Variants in ZBTB10 observed in about 807,000 individuals in gnomAD.
The protein encoded by ZBTB10 is zinc finger and BTB domain containing 10.
In ZBTB10, 32 loss-of-function variants were observed where a neutral mutation model predicts 76.4. That is an observed-to-expected ratio of 0.42 (90% confidence interval 0.32 to 0.56). The LOEUF (loss-of-function observed/expected upper bound fraction) is 0.56, where lower values mean the gene tolerates loss of function less well. ZBTB10 is among the 20% of genes least tolerant of loss of function. The pLI, the probability that ZBTB10 is intolerant of heterozygous loss-of-function variation, is 0.14. For missense variants in ZBTB10, 1,057 were observed against 1,098.5 expected, an observed-to-expected ratio of 0.96 and a Z score of 0.53; for synonymous variants, 523 against 432.9, an observed-to-expected ratio of 1.21 and a Z score of -2.58.
rs1224498579 is a variant in ZBTB10, at chr8:80,521,993, C to A, written c.*2465C>A. On this transcript the variant is annotated 3_prime_UTR_variant, in exon 6 of 6. Coordinates refer to ENST00000455036, the MANE Select transcript of ZBTB10 (RefSeq NM_001105539.3). The stretch of plus-strand genomic sequence containing the variant: ...GTGTTTATACTCTTGAATATATTAG[C>A]CTCAGCCTATATAAAAATTTCTTTG... The A allele has an allele frequency of 6.6e-6, 1 of 151,752 alleles. No homozygotes were observed. The highest frequency in any genetic ancestry group is 1.9e-4 in the East Asian group (1 of 5,198). 9.4% of individuals were successfully genotyped at this position (151,752 alleles called of 1,614,324 possible).
At chr8:80,502,457 G>A (rs534304403) in intron 2 of ZBTB10, among the ~76,000 whole-genome samples, 95 of 152,084 alleles carry the variant, frequency 6.2e-4, no homozygotes, top group Non-Finnish European at 1.0e-3. Flanking sequence ...AGCTGGTCTC[G>A]AACTCGTGAC....
chr8:80,512,361 C>T (rs967427386), intron 2 of ZBTB10, among the ~76,000 whole-genome samples: 2 of 152,142 alleles, frequency 1.3e-5, no homozygotes, highest in Non-Finnish European at 2.9e-5. Flanking sequence ...TCCTTCTCTT[C>T]GCAGCAATAT....
chr8:80,518,442 C>T lies in ZBTB10; in HGVS notation c.2000C>T (p.Pro667Leu). The T allele has an allele frequency of 1.3e-6, 2 of 1,552,624 alleles. No homozygotes were observed. The highest frequency in any genetic ancestry group is 2.4e-5 in the South Asian group (2 of 84,158). Residue 667 changes from proline to leucine, a missense_variant, in exon 4 of 6, where the codon CCT (proline) becomes CTT (leucine). By Grantham distance (98) the Pro-to-Leu change is moderately conservative. Around this residue, in one of 5 missense-constraint regions of ZBTB10, gnomAD observed 306 missense variants for 297.5 expected, o/e 1.03. Transcript: ENST00000455036. ...HDFKYGLMPGPSNDFKYGLIP... is the reference protein window; with the variant it reads ...HDFKYGLMPGLSNDFKYGLIP... ...TTCAAGTATGGTTTGATGCCTGGTCCTTCAAATGATTTCAAGTATGGATTG... is the reference window on the plus strand; with the variant it reads ...TTCAAGTATGGTTTGATGCCTGGTCTTTCAAATGATTTCAAGTATGGATTG...
chr8:80,525,837 G>A lies in ZBTB10; in HGVS notation c.*6309G>A, dbSNP rs922901521. The A allele has an allele frequency of 6.6e-6, 1 of 152,142 alleles. No individual in the cohort carries two copies. The highest frequency in any genetic ancestry group is 1.9e-4 in the East Asian group (1 of 5,198). The allele number at this position is 152,142 out of a possible 1,614,324, so 9.4% of individuals were successfully genotyped here. A position where few individuals can be genotyped will look rare whatever the true frequency, so the allele number is the denominator to read the frequency against. On this transcript the variant is annotated 3_prime_UTR_variant, in exon 6 of 6. Transcript: ENST00000455036. ...TGACAAAAGGCACTAGCAACTTTAA[G>A]GATTTTGCCTATTAGTATCATATGG...
Position 80,508,563 on chromosome 8 carries a change from A to G in ZBTB10, c.1862-5347A>G, listed in dbSNP as rs1043419785. On this transcript the variant is annotated intron_variant, in intron 2 of 5. Coordinates refer to ENST00000455036, the MANE Select transcript of ZBTB10 (RefSeq NM_001105539.3). ...GCCATGTGATAAATGTTAAAATTAG[A>G]TTATTTAAGATGCATGACGGGGTGC... Among the ~76,000 whole-genome samples the G allele has an allele frequency of 2.6e-5, 4 of 152,182 alleles. No individual in the cohort carries two copies. The South Asian group carries it at 8.3e-4, about 31-fold the overall frequency.
chr8:80,503,762 G>C (rs954959024), intron 2 of ZBTB10, among the ~76,000 whole-genome samples: 2 of 152,152 alleles, frequency 1.3e-5, no homozygotes, highest in African/African-American at 4.8e-5. Flanking sequence ...GACCACAAGT[G>C]ATCTGCCCAC....
In ZBTB10 at chr8:80,513,913, T is replaced by TAGATGGTGCTCTACTCTCGGGGCC; in HGVS notation, c.1874_1897dup (p.Ala625_Gly632dup). 6.2e-7 allele frequency: 1 copy of TAGATGGTGCTCTACTCTCGGGGCC among 1,613,256 alleles called. No individual in the cohort carries two copies. Among genetic ancestry groups the TAGATGGTGCTCTACTCTCGGGGCC allele is most frequent in the Non-Finnish European group, 8.5e-7 (1 of 1,179,492 alleles). On this transcript the variant is annotated inframe_insertion, in exon 3 of 6. Coordinates refer to ENST00000455036, the MANE Select transcript of ZBTB10 (RefSeq NM_001105539.3). Reference sequence around the variant, plus strand: ...TTTTTCTATGTTTCCTTTTCAGATTTAGATGGTGCTCTACTCTCGGGGCCA... The same window carrying TAGATGGTGCTCTACTCTCGGGGCC: ...TTTTTCTATGTTTCCTTTTCAGATTTAGATGGTGCTCTACTCTCGGGGCCAGATGGTGCTCTACTCTCGGGGCCA...
At chr8:80,501,693 T>A (rs569156683) in intron 2 of ZBTB10, among the ~76,000 whole-genome samples, 42 of 152,226 alleles carry the variant, frequency 2.8e-4, no homozygotes, top group Non-Finnish European at 4.0e-4. Flanking sequence ...TGTGTGTGTG[T>A]GAAATTTTTA....
chr8:80,507,293 C>G (rs918489807), intron 2 of ZBTB10, among the ~76,000 whole-genome samples: 6 of 143,574 alleles, frequency 4.2e-5, no homozygotes, highest in African/African-American at 1.6e-4. Flanking sequence ...GGTGACAGAG[C>G]GAGACTCAGT....
At chr8:80,515,968 T>G (rs1466589120) in intron 3 of ZBTB10, among the ~76,000 whole-genome samples, 1 of 152,202 alleles carries the variant, frequency 6.6e-6, no homozygotes, top group Non-Finnish European at 1.5e-5. Context: ...TGAAAGAAAT[T>G]TGGGGCAAGG....
intron 1 of ZBTB10, among the ~76,000 whole-genome samples, chr8:80,498,879 G>A (rs944598078): frequency 1.3e-5 from 2 of 152,170 alleles, no homozygotes; most frequent in African/African-American, 2.4e-5. Context: ...AAGAGATAAA[G>A]CGTTTTGAAA....
At chr8:80,488,046 C>CAT (rs1815526942) in intron 1 of ZBTB10, among the ~76,000 whole-genome samples, 1 of 151,794 alleles carries the variant, frequency 6.6e-6, no homozygotes, top group Non-Finnish European at 1.5e-5. Context: ...TTTTATGACT[C>CAT]ATTTCTTATC....
intron 3 of ZBTB10, among the ~76,000 whole-genome samples, chr8:80,514,609 T>C (rs1428593594): frequency 6.6e-6 from 1 of 152,252 alleles, no homozygotes; most frequent in Non-Finnish European, 1.5e-5. Context: ...GTTAATGGGC[T>C]TGTCCCCCTA....
intron 1 of ZBTB10, among the ~76,000 whole-genome samples, chr8:80,492,227 C>A (rs191100765): frequency 6.6e-6 from 1 of 152,306 alleles, no homozygotes; most frequent in Admixed American, 6.5e-5. Flanking sequence ...ACAGCTAGTT[C>A]ATAGCCCTTG....
At chr8:80,512,225 G>T (rs767500030) in intron 2 of ZBTB10, among the ~76,000 whole-genome samples, 2 of 152,126 alleles carry the variant, frequency 1.3e-5, no homozygotes, top group Non-Finnish European at 2.9e-5. Context: ...CAGCCTGGTG[G>T]AATATCCTTA....
In ZBTB10 at chr8:80,525,209, G is replaced by C. The variant is rs1176434053; in HGVS notation, c.*5681G>C. The C allele has an allele frequency of 1.3e-5, 2 of 151,952 alleles. No individual in the cohort carries two copies. The highest frequency in any genetic ancestry group is 2.9e-5 in the Non-Finnish European group (2 of 67,954). The allele number at this position is 151,952 out of a possible 1,614,324, so 9.4% of individuals were successfully genotyped here. ...AATTGAATTATTGGATCTATGTTTA[G>C]GTAAGAAAACTAAAGGTACTTCAGA... On this transcript the variant is annotated 3_prime_UTR_variant, in exon 6 of 6. Coordinates refer to ENST00000455036, the MANE Select transcript of ZBTB10 (RefSeq NM_001105539.3).
At chr8:80,501,270 T>C (rs571215966) in intron 2 of ZBTB10, among the ~76,000 whole-genome samples, 41 of 152,340 alleles carry the variant, frequency 2.7e-4, no homozygotes, top group African/African-American at 8.4e-4. Context: ...CTGAGGCCTT[T>C]CTCTTCAATA....
chr8:80,487,842 C>G, intron 1 of ZBTB10, 60 bp downstream of exon 1: 1 of 1,490,562 alleles, frequency 6.7e-7, no homozygotes, highest in Non-Finnish European at 8.9e-7. Flanking sequence ...TATCAGCACT[C>G]CCTTCACCCC....
At chr8:80,509,136 C>G (rs573396511) in intron 2 of ZBTB10, among the ~76,000 whole-genome samples, 1 of 152,198 alleles carries the variant, frequency 6.6e-6, no homozygotes, top group Non-Finnish European at 1.5e-5. Flanking sequence ...TTATATAATA[C>G]ATTTGCAACT....
Sources: gnomAD v4.1 joint callset for allele counts (sites outside exome capture counted in the v4.1 genomes callset) on GRCh38, gnomAD v4.1.1 for gene constraint, gnomAD v4.1.1 regional missense constraint, MANE v1.5 for transcripts, NCBI Gene and HGNC (gene_info 2026-07-23, HGNC 2026-07-21) for gene names.